ETFDH: variants seen among roughly 807,000 people sequenced by gnomAD.
ETFDH encodes electron transfer flavoprotein-ubiquinone oxidoreductase, mitochondrial.
In ETFDH, 61 loss-of-function variants were observed where a neutral mutation model predicts 73.2. That is an observed-to-expected ratio of 0.83 (90% CI 0.68 to 1.03). The LOEUF (loss-of-function observed/expected upper bound fraction) is 1.03. Ranked by LOEUF, ETFDH falls within the 50% of genes least tolerant of loss-of-function variation. The probability of loss-of-function intolerance (pLI) is 0.00; values close to 1 mark genes in which losing one functional copy is unlikely to be tolerated. For missense variants in ETFDH, 685 were observed against 745.0 expected (o/e 0.92, Z 0.94); for synonymous variants, 243 against 253.3 (o/e 0.96, Z 0.39).
rs1318917926 is a variant in ETFDH at position 158,687,807 on chromosome 4, A to G, written c.607-2541A>G. ...TGTAATCCCAGCACTTTGGGAGGCC[A>G]AGGCAGGCAGGTCACGAGGTCAGGA... On this transcript the variant is annotated intron_variant, in intron 5 of 12. Coordinates refer to ENST00000511912, the MANE Select transcript of ETFDH (RefSeq NM_004453.4). Among the ~76,000 whole-genome samples, 3 of 148,884 alleles carry G rather than the reference A, an allele frequency of 2.0e-5. No homozygotes were observed. In the East Asian group the frequency reaches 6.1e-4, roughly 30 times the overall value.
In ETFDH at chr4:158,697,527, A is replaced by T. The variant is rs748790122; in HGVS notation, c.832-32A>T. 9 of 1,591,506 alleles carry T rather than the reference A, an allele frequency of 5.7e-6. No homozygotes were observed. The South Asian group carries it at 1.0e-4, about 18-fold the overall frequency. On this transcript the variant is annotated intron_variant, in intron 7 of 12. Coordinates refer to ENST00000511912, the MANE Select transcript of ETFDH (RefSeq NM_004453.4). ...CATAAAAACATTTTTAAAATACTGC[A>T]GGACTTTTTTGTTTGCTTTTTTTTT...
intron 1 of ETFDH, among the ~76,000 whole-genome samples, chr4:158,674,973 T>TA (rs553591118): frequency 3.2e-4 from 48 of 150,424 alleles, no homozygotes; most frequent in Non-Finnish European, 5.5e-4. Flanking sequence ...TCCTAGATTC[T>TA]AAAAAAAAAA....
intron 6 of ETFDH, among the ~76,000 whole-genome samples, chr4:158,694,627 A>T (rs1315360509): frequency 2.6e-5 from 4 of 152,180 alleles, no homozygotes; most frequent in Middle Eastern, 3.4e-3. Context: ...ATTAAAAAAT[A>T]AAATAGTTAT....
At chr4:158,694,404 C>G (rs986069400) in intron 6 of ETFDH, among the ~76,000 whole-genome samples, 3 of 152,026 alleles carry the variant, frequency 2.0e-5, no homozygotes, top group African/African-American at 7.2e-5. Flanking sequence ...ACCAGCCTGG[C>G]CAACATGGTG....
intron 10 of ETFDH, among the ~76,000 whole-genome samples, chr4:158,703,975 T>A (rs1580420260): frequency 6.6e-6 from 1 of 152,172 alleles, no homozygotes; most frequent in African/African-American, 2.4e-5. Context: ...GGCGGGTGCC[T>A]GTAATCCCAG....
chr4:158,692,502 C>T (rs1197521074), intron 6 of ETFDH, among the ~76,000 whole-genome samples: 2 of 151,654 alleles, frequency 1.3e-5, no homozygotes, highest in East Asian at 3.9e-4. Context: ...TGGGGCTCAG[C>T]CTGTCCTGCA....
At chr4:158,683,436 A>C (rs183532840) in intron 3 of ETFDH, among the ~76,000 whole-genome samples, 1 of 152,336 alleles carries the variant, frequency 6.6e-6, no homozygotes, top group African/African-American at 2.4e-5. Context: ...TGAAATATCA[A>C]GCTCCCTTAA....
chr4:158,684,822 G>A (rs1773960630), intron 4 of ETFDH, 149 bp downstream of exon 4: 1 of 657,726 alleles, frequency 1.5e-6, no homozygotes, highest in East Asian at 2.7e-5. Context: ...TAGCTGGTGG[G>A]AAAGCAGGAC....
chr4:158,674,501 A>G lies in ETFDH; in HGVS notation c.34+2011A>G, dbSNP rs370717392. Among the ~76,000 whole-genome samples, 4 of 152,216 alleles carry G rather than the reference A, an allele frequency of 2.6e-5. No individual in the cohort carries two copies. In the South Asian group the frequency reaches 6.2e-4, roughly 24 times the overall value. ...TTTTTAGTAGAGACGGGGTTTTGCC[A>G]TGTTGGCCAGGCTGGTCTCAAACTC... On this transcript the variant is annotated intron_variant, in intron 1 of 12. Coordinates refer to ENST00000511912, the MANE Select transcript of ETFDH (RefSeq NM_004453.4).
intron 7 of ETFDH, among the ~76,000 whole-genome samples, 199 bp from the exon 8 acceptor site, chr4:158,697,359 TG>T (rs1463384401): frequency 6.6e-6 from 1 of 152,190 alleles, no homozygotes; most frequent in East Asian, 1.9e-4. Flanking sequence ...CCTCCCAAAG[TG>T]CTAGGATTGC....
intron 1 of ETFDH, chr4:158,679,410 G>A (rs1773788602): frequency 1.3e-5 from 2 of 152,214 alleles, no homozygotes; most frequent in South Asian, 4.1e-4. Context: ...CATCCAGCTA[G>A]AAAGATTAAC....
At chr4:158,682,156 A>C (rs745408554) in intron 2 of ETFDH, 39 bp from the exon 3 acceptor site, 3 of 1,610,910 alleles carry the variant, frequency 1.9e-6, no homozygotes, top group Non-Finnish European at 2.5e-6. Context: ...TCATGTGATT[A>C]TTGGGTTATA....
intron 6 of ETFDH, 119 bp downstream of exon 6, chr4:158,690,544 T>C (rs1774138424): frequency 1.3e-6 from 1 of 757,994 alleles, no homozygotes; most frequent in South Asian, 1.4e-5. Flanking sequence ...CTGGGCTTCG[T>C]GGTATACACC....
In ETFDH at chr4:158,685,764, C is replaced by T. The variant is rs62351200; in HGVS notation, c.606+545C>T. Reference sequence around the variant, plus strand: ...GCATAAGCACAAGAGAATGATGACCCGATAACCCAGTGAGGTCCAAATGCT... The same window carrying T: ...GCATAAGCACAAGAGAATGATGACCTGATAACCCAGTGAGGTCCAAATGCT... On this transcript the variant is annotated intron_variant, in intron 5 of 12. Transcript: ENST00000511912. Among the ~76,000 whole-genome samples, 1,192 of 152,214 alleles carry T rather than the reference C, an allele frequency of 7.8e-3. 35 individuals carry two copies. Among genetic ancestry groups the T allele is most frequent in the South Asian group, 0.078 (374 of 4,818 alleles).
At chr4:158,678,394 A>C (rs1773763651) in intron 1 of ETFDH, among the ~76,000 whole-genome samples, 1 of 152,156 alleles carries the variant, frequency 6.6e-6, no homozygotes, top group Non-Finnish European at 1.5e-5. Flanking sequence ...ACTGAGGTTA[A>C]AGATTTTTGG....
Position 158,689,272 on chromosome 4 carries a change from C to G in ETFDH, c.607-1076C>G, listed in dbSNP as rs117562016. 1.1e-4 allele frequency among the ~76,000 whole-genome samples: 16 copies of G among 152,012 alleles called. No individual in the cohort carries two copies. In the East Asian group the frequency reaches 2.1e-3, roughly 20 times the overall value. On this transcript the variant is annotated intron_variant, in intron 5 of 12. Coordinates refer to ENST00000511912, the MANE Select transcript of ETFDH (RefSeq NM_004453.4). ...TGCTATAAATTTCTGTTTTCCTAACCCATATACATGCATTTGGGGTTTTTG... is the reference window on the plus strand; with the variant it reads ...TGCTATAAATTTCTGTTTTCCTAACGCATATACATGCATTTGGGGTTTTTG...
At chr4:158,683,669 T>C (rs562162767) in intron 3 of ETFDH, among the ~76,000 whole-genome samples, 9 of 152,172 alleles carry the variant, frequency 5.9e-5, no homozygotes, top group Non-Finnish European at 1.0e-4. Context: ...AGCCTCAACC[T>C]CCGGGGCTCA....
intron 1 of ETFDH, among the ~76,000 whole-genome samples, chr4:158,673,726 G>T (rs1334826644): frequency 1.3e-5 from 2 of 152,182 alleles, no homozygotes; most frequent in African/African-American, 4.8e-5. Flanking sequence ...CTGCCTTAGA[G>T]CCTAATTTAG....
chr4:158,673,460 A>C (rs1313209472), intron 1 of ETFDH, among the ~76,000 whole-genome samples: 1 of 152,218 alleles, frequency 6.6e-6, no homozygotes, highest in South Asian at 2.1e-4. Context: ...AAAGGATCTC[A>C]TATTCTGTCA....
Sources: allele counts gnomAD v4.1 joint callset (sites outside exome capture counted in the v4.1 genomes callset), GRCh38; gene constraint gnomAD v4.1.1; transcripts MANE v1.5; gene names NCBI Gene and HGNC (gene_info 2026-07-23, HGNC 2026-07-21).